The following JMJD1C variants were observed in gnomAD, a reference collection of about 807,000 sequenced individuals.
JMJD1C encodes jumonji domain containing 1C.
Under a neutral mutation model 245.3 loss-of-function variants are expected in JMJD1C, and 31 were observed. That is an observed-to-expected ratio of 0.13 (90% CI 0.09 to 0.17). The LOEUF (loss-of-function observed/expected upper bound fraction) is 0.17, where lower values mean the gene tolerates loss of function less well. Among genes scored for constraint, JMJD1C ranks in the 10% least tolerant of loss-of-function variants. The probability of loss-of-function intolerance (pLI) is 1.00; values close to 1 mark genes in which losing one functional copy is unlikely to be tolerated. For missense variants in JMJD1C, 2,691 were observed against 3,000.2 expected, an observed-to-expected ratio of 0.90 and a Z score of 2.41; for synonymous variants, 1,057 against 1,017.4, an observed-to-expected ratio of 1.04 and a Z score of -0.74.
At chr10:63,294,591 T>C (rs1219918123) in intron 2 of JMJD1C, among the ~76,000 whole-genome samples, 2 of 152,166 alleles carry the variant, frequency 1.3e-5, no homozygotes, top group Non-Finnish European at 2.9e-5. Context: ...GGTCAATCTT[T>C]CCAAGGCCTA....
intron 2 of JMJD1C, among the ~76,000 whole-genome samples, chr10:63,267,703 T>C (rs777815942): frequency 1.3e-5 from 2 of 152,154 alleles, no homozygotes; most frequent in African/African-American, 2.4e-5. Context: ...ACACTAAATG[T>C]TCAGTTGAAA....
intron 2 of JMJD1C, among the ~76,000 whole-genome samples, chr10:63,325,170 T>C (rs1433508362): frequency 6.6e-6 from 1 of 152,224 alleles, no homozygotes; most frequent in African/African-American, 2.4e-5. Flanking sequence ...AAATGATAAT[T>C]ATTAGCTGTT....
chr10:63,500,742 T>C (rs868820701), intron 1 of JMJD1C, among the ~76,000 whole-genome samples: 4 of 136,346 alleles, frequency 2.9e-5, no homozygotes, highest in African/African-American at 1.2e-4. Context: ...GATGGATGGA[T>C]GGAAGGATGG....
chr10:63,306,176 G>A (rs778842045), intron 2 of JMJD1C, among the ~76,000 whole-genome samples: 11 of 151,502 alleles, frequency 7.3e-5, no homozygotes, highest in African/African-American at 1.2e-4. Context: ...TGCAACCTCC[G>A]CCTCCCAGGC....
At chr10:63,244,283 A>C (rs892175201) in intron 3 of JMJD1C, among the ~76,000 whole-genome samples, 1 of 152,166 alleles carries the variant, frequency 6.6e-6, no homozygotes, top group Non-Finnish European at 1.5e-5. Flanking sequence ...CCACTTTGGG[A>C]CCACTGCAAT....
At chr10:63,180,474 T>A (rs945326816) in intron 22 of JMJD1C, among the ~76,000 whole-genome samples, 1 of 152,162 alleles carries the variant, frequency 6.6e-6, no homozygotes, top group Admixed American at 6.5e-5. Context: ...GTACAAAGGG[T>A]ACAGAGACAG....
In JMJD1C at chr10:63,167,655, T is replaced by C. The variant is rs14723; in HGVS notation, c.*390A>G. On this transcript the variant is annotated 3_prime_UTR_variant, in exon 26 of 26. Transcript: ENST00000399262. ...GTTTGTGTCCTATTCTCACAGTAAC[T>C]GTCTCAATGTAGTGAAAAATATCAG... The C allele has an allele frequency of 6.4e-6, 1 of 155,730 alleles. No homozygotes were observed. Among genetic ancestry groups the C allele is most frequent in the Non-Finnish European group, 1.4e-5 (1 of 70,148 alleles). The allele number at this position is 155,730 out of a possible 1,614,324, so 9.6% of individuals were successfully genotyped here. A position where few individuals can be genotyped will look rare whatever the true frequency, so the allele number is the denominator to read the frequency against.
chr10:63,231,147 A>C (rs1849936934), intron 3 of JMJD1C, among the ~76,000 whole-genome samples: 1 of 152,196 alleles, frequency 6.6e-6, no homozygotes, highest in Admixed American at 6.5e-5. Context: ...CCCCTCAAGA[A>C]AAAACCTTAA....
At chr10:63,180,426 CAAAT>C (rs1295737756) in intron 22 of JMJD1C, among the ~76,000 whole-genome samples, 2 of 152,176 alleles carry the variant, frequency 1.3e-5, no homozygotes, top group African/African-American at 2.4e-5. Flanking sequence ...TAAATCTAGA[CAAAT>C]AAACATCACA....
In JMJD1C at chr10:63,361,210, G is replaced by A. The variant is rs779277245; in HGVS notation, c.333+19108C>T. Reference sequence around the variant, plus strand: ...GGACAAGCTGGGCACATCACCTGAGGTCAGGAGTTCGAGACCAGCCTGGCC... The same window carrying A: ...GGACAAGCTGGGCACATCACCTGAGATCAGGAGTTCGAGACCAGCCTGGCC... On this transcript the variant is annotated intron_variant, in intron 2 of 25. Coordinates refer to ENST00000399262, the MANE Select transcript of JMJD1C (RefSeq NM_032776.3). 4.6e-5 allele frequency among the ~76,000 whole-genome samples: 7 copies of A among 152,134 alleles called. 1 individual carries two copies. The highest frequency in any genetic ancestry group is 1.0e-4 in the Non-Finnish European group (7 of 68,008).
At chr10:63,182,101 T>G (rs2132869638) in intron 22 of JMJD1C, among the ~76,000 whole-genome samples, 1 of 152,380 alleles carries the variant, frequency 6.6e-6, no homozygotes, top group Admixed American at 6.5e-5. Flanking sequence ...ATGAATCCCA[T>G]GTCCCCAGCA....
chr10:63,251,109 G>A (rs1185092094), intron 3 of JMJD1C, among the ~76,000 whole-genome samples: 2 of 152,114 alleles, frequency 1.3e-5, no homozygotes, highest in African/African-American at 4.8e-5. Flanking sequence ...GATGTTTTGG[G>A]CCTTTTGGCT....
At chr10:63,288,889 CAATAATAATAAT>C (rs61651313) in intron 2 of JMJD1C, among the ~76,000 whole-genome samples, 4,779 of 139,554 alleles carry the variant, frequency 0.034, 172 homozygotes, top group African/African-American at 0.1. Context: ...AATAATAATA[CAATAATAATAAT>C]AATAATAATA....
At chr10:63,455,382 G>C (rs1439412843) in intron 1 of JMJD1C, among the ~76,000 whole-genome samples, 2 of 152,120 alleles carry the variant, frequency 1.3e-5, no homozygotes, top group Non-Finnish European at 2.9e-5. Context: ...TGGAATACAA[G>C]AAATAAAAGG....
Position 63,215,258 on chromosome 10 carries a change from C to CCT in JMJD1C, c.1015+3_1015+4dup, listed in dbSNP as rs768111401. On this transcript the variant is annotated splice_donor_region_variant and intron_variant, in intron 7 of 25. Transcript: ENST00000399262. The stretch of plus-strand genomic sequence containing the variant: ...CATTCCCTTAAAAAAAAAAGTGGGT[C>CCT]CTACCTCCTCGTGATATATAATCAT... 1.6e-5 allele frequency: 26 copies of CCT among 1,606,834 alleles called. No homozygotes were observed. The highest frequency in any genetic ancestry group is 3.3e-4 in the Middle Eastern group (2 of 6,052).
chr10:63,479,191 TGA>T (rs1009100446), intron 1 of JMJD1C, among the ~76,000 whole-genome samples: 1 of 151,704 alleles, frequency 6.6e-6, no homozygotes, highest in African/African-American at 2.4e-5. Flanking sequence ...TCAAACTTAA[TGA>T]GAGAGAGAAA....
intron 1 of JMJD1C, among the ~76,000 whole-genome samples, chr10:63,513,765 T>G (rs1442917065): frequency 1.3e-5 from 2 of 151,784 alleles, no homozygotes; most frequent in Non-Finnish European, 2.9e-5. Context: ...ACAAAAAAAT[T>G]AGCCGGGCGT....
chr10:63,476,146 G>A (rs970449335), intron 1 of JMJD1C, among the ~76,000 whole-genome samples: 1 of 151,800 alleles, frequency 6.6e-6, no homozygotes, highest in African/African-American at 2.4e-5. Flanking sequence ...GGAGGAAGAG[G>A]TTGCAGTGAG....
chr10:63,271,485 G>A (rs1457145943), intron 2 of JMJD1C, among the ~76,000 whole-genome samples: 1 of 152,022 alleles, frequency 6.6e-6, no homozygotes, highest in Non-Finnish European at 1.5e-5. Context: ...GATGTAAATA[G>A]TCTTTTATTA....
Sources: allele counts gnomAD v4.1 joint callset (sites outside exome capture counted in the v4.1 genomes callset), GRCh38; gene constraint gnomAD v4.1.1; transcripts MANE v1.5; gene names NCBI Gene and HGNC (gene_info 2026-07-23, HGNC 2026-07-21).